The following BRWD3 variants were observed in gnomAD, a reference collection of about 807,000 sequenced individuals.
BRWD3 encodes bromodomain and WD repeat domain containing 3.
In BRWD3, 10 loss-of-function variants were observed where a neutral mutation model predicts 149.7. The observed-to-expected ratio is 0.07, with a 90% CI of 0.04 to 0.11. The LOEUF (loss-of-function observed/expected upper bound fraction) is 0.11, where lower values mean the gene tolerates loss of function less well. Among genes scored for constraint, BRWD3 ranks in the 10% least tolerant of loss-of-function variants. BRWD3 has a pLI of 1.00. For missense variants in BRWD3, 940 were observed against 1,373.2 expected (o/e 0.68, Z 4.99); for synonymous variants, 504 against 456.7 (o/e 1.10, Z -1.32).
At chrX:80,710,450 T>C (rs1202860863) in intron 20 of BRWD3, 1 of 347,693 alleles carries the variant, frequency 2.9e-6, no homozygotes, top group Non-Finnish European at 5.3e-6. Context: ...ATGTCTAAAT[T>C]TATGGAATAC....
intron 6 of BRWD3, among the ~76,000 whole-genome samples, chrX:80,752,304 A>C (rs2073679761): frequency 9.0e-6 from 1 of 111,327 alleles, no homozygotes. Flanking sequence ...TCATCCACTG[A>C]TGGACACTTA....
intron 6 of BRWD3, among the ~76,000 whole-genome samples, chrX:80,780,859 C>T (rs2074049182): frequency 8.9e-6 from 1 of 112,006 alleles, no homozygotes. Context: ...ACCCAGTCAC[C>T]TCAGCCAGAT....
intron 15 of BRWD3, 110 bp from the exon 16 acceptor site, chrX:80,723,986 A>G: frequency 1.1e-6 from 1 of 888,827 alleles, no homozygotes; most frequent in Non-Finnish European, 1.6e-6. Context: ...AAACATTCCA[A>G]AGTACTCTCT....
chrX:80,752,593 C>G (rs1262723962), intron 6 of BRWD3, among the ~76,000 whole-genome samples: 1 of 111,797 alleles, frequency 8.9e-6, no homozygotes, highest in Non-Finnish European at 1.9e-5. Context: ...TATTAATAGC[C>G]AATCTGACAG....
intron 24 of BRWD3, among the ~76,000 whole-genome samples, chrX:80,700,432 T>TTATATATATATATATATATATATA (rs1369240696): frequency 2.2e-3 from 5 of 2,298 alleles, no homozygotes; most frequent in African/African-American, 8.6e-3. Context: ...TGAAAATATT[T>TTATATATATATATATATATATATA]GATATATATA....
intron 6 of BRWD3, among the ~76,000 whole-genome samples, chrX:80,767,148 A>G (rs2073870111): frequency 1.8e-5 from 2 of 111,899 alleles, no homozygotes; most frequent in East Asian, 5.7e-4. Flanking sequence ...TCAGCAAGAA[A>G]CTTCTGCACA....
chrX:80,806,469 T>TATAA (rs1477036949), intron 4 of BRWD3, among the ~76,000 whole-genome samples: 3 of 111,711 alleles, frequency 2.7e-5, no homozygotes, highest in Non-Finnish European at 3.8e-5. Flanking sequence ...ATGATGACAT[T>TATAA]ATAAATTAGT....
At chrX:80,714,245 G>A (rs1387760757) in intron 20 of BRWD3, among the ~76,000 whole-genome samples, 2 of 13,517 alleles carry the variant, frequency 1.5e-4, no homozygotes, top group East Asian at 4.6e-3. Flanking sequence ...TTTTTTTTTT[G>A]AGACGGAGTT....
intron 6 of BRWD3, among the ~76,000 whole-genome samples, chrX:80,772,156 GAC>G (rs1256622613): frequency 8.9e-6 from 1 of 111,916 alleles, no homozygotes; most frequent in Non-Finnish European, 1.9e-5. Context: ...CTACTATAAA[GAC>G]ACACGCACAC....
At chrX:80,804,967 A>T (rs2074335661) in intron 4 of BRWD3, among the ~76,000 whole-genome samples, 2 of 112,245 alleles carry the variant, frequency 1.8e-5, no homozygotes, top group Admixed American at 1.9e-4. Flanking sequence ...TAAATGCCAT[A>T]TTCAAAAATC....
At chrX:80,682,164 TG>T in intron 38 of BRWD3, 70 bp from the exon 39 acceptor site, 1 of 907,512 alleles carries the variant, frequency 1.1e-6, no homozygotes, top group Admixed American at 2.2e-5. Context: ...ATAGACAGTA[TG>T]ATACAAAGAG....
At chrX:80,733,625 C>A in intron 11 of BRWD3, 129 bp from the exon 12 acceptor site, 1 of 497,335 alleles carries the variant, frequency 2.0e-6, no homozygotes, top group Non-Finnish European at 3.4e-6. Flanking sequence ...CAATGAAGCC[C>A]AAAACAATGT....
At chrX:80,712,966 T>C (rs2073009060) in intron 20 of BRWD3, among the ~76,000 whole-genome samples, 1 of 109,609 alleles carries the variant, frequency 9.1e-6, no homozygotes, top group African/African-American at 3.3e-5. Context: ...CCACCCCGTC[T>C]GGGAAGTGAG....
At chrX:80,735,477 T>C (rs1192807139) in intron 9 of BRWD3, among the ~76,000 whole-genome samples, 1 of 111,606 alleles carries the variant, frequency 9.0e-6, no homozygotes, top group Non-Finnish European at 1.9e-5. Flanking sequence ...ATGAAACAAA[T>C]AAAATCCTAC....
At chrX:80,745,498 C>A in intron 7 of BRWD3, 71 bp downstream of exon 7, 1 of 1,008,860 alleles carries the variant, frequency 9.9e-7, no homozygotes, top group Non-Finnish European at 1.4e-6. Flanking sequence ...AAGCACAATG[C>A]AATGCCATGC....
chrX:80,739,533 T>G (rs912488317), intron 8 of BRWD3, among the ~76,000 whole-genome samples: 1 of 110,764 alleles, frequency 9.0e-6, no homozygotes, highest in Non-Finnish European at 1.9e-5. Flanking sequence ...GGTCTACAGA[T>G]CTCTAAGGCA....
intron 27 of BRWD3, among the ~76,000 whole-genome samples, chrX:80,693,847 C>T (rs1215646925): frequency 1.8e-5 from 2 of 111,956 alleles, no homozygotes; most frequent in African/African-American, 3.3e-5. Flanking sequence ...AAGTTCAGAA[C>T]TTTTGCAGCC....
intron 17 of BRWD3, among the ~76,000 whole-genome samples, chrX:80,720,177 T>C (rs1004454997): frequency 8.9e-6 from 1 of 111,846 alleles, no homozygotes; most frequent in Admixed American, 9.6e-5. Flanking sequence ...CTTCGTATCA[T>C]TTTGAAATGT....
intron 14 of BRWD3, among the ~76,000 whole-genome samples, chrX:80,726,991 GGA>G (rs925877262): frequency 9.5e-6 from 1 of 105,276 alleles, no homozygotes; most frequent in African/African-American, 3.7e-5. Context: ...TGTACATTAG[GGA>G]AAAAAAAAAA....
Sources: allele counts gnomAD v4.1 joint callset (sites outside exome capture counted in the v4.1 genomes callset), GRCh38; gene constraint gnomAD v4.1.1; transcripts MANE v1.5; gene names NCBI Gene and HGNC (gene_info 2026-07-23, HGNC 2026-07-21).